The following MAPK4 variants were observed in gnomAD, a reference collection of about 807,000 sequenced individuals.
MAPK4 encodes mitogen-activated protein kinase 4.
Under a neutral mutation model 47.7 loss-of-function variants are expected in MAPK4, and 22 were observed. The observed-to-expected ratio is 0.46, with a 90% CI of 0.33 to 0.66. The LOEUF is 0.66. MAPK4 is among the 30% of genes least tolerant of loss of function. The pLI is 0.02. For synonymous variants in MAPK4, 390 were observed against 365.7 expected, an observed-to-expected ratio of 1.07 and a Z score of -0.76; for missense variants, 736 against 831.7, an observed-to-expected ratio of 0.88 and a Z score of 1.42.
At chr18:50,584,382 A>G (rs374439966) in intron 1 of MAPK4, among the ~76,000 whole-genome samples, 57 of 152,308 alleles carry the variant, frequency 3.7e-4, no homozygotes, top group African/African-American at 1.3e-3. Context: ...ATGAGGCTGG[A>G]TGAACTGCGG....
At chr18:50,588,856 G>A (rs2149366304) in intron 1 of MAPK4, among the ~76,000 whole-genome samples, 1 of 152,278 alleles carries the variant, frequency 6.6e-6, no homozygotes, top group East Asian at 1.9e-4. Flanking sequence ...GCACCTGGCT[G>A]TTAGACTCCA....
rs1485998551 is a variant in MAPK4 at position 50,648,097 on chromosome 18, C to A, written c.-870-14992C>A. Among the ~76,000 whole-genome samples the A allele has an allele frequency of 4.1e-5, 5 of 122,794 alleles. No homozygotes were observed. In the East Asian group the frequency reaches 1.1e-3, roughly 28 times the overall value. The allele number at this position is 122,794 out of a possible 152,430, so 80.6% of individuals were successfully genotyped here. A position where few individuals can be genotyped will look rare whatever the true frequency, so the allele number is the denominator to read the frequency against. On this transcript the variant is annotated intron_variant, in intron 1 of 5. Coordinates refer to ENST00000400384, the MANE Select transcript of MAPK4 (RefSeq NM_002747.4). ...ATTCCCAGTATGATGGGAAGAAAGA[C>A]CCAGAGAGAGAGAGAGAGAGAGAGA...
At chr18:50,713,197 A>G (rs1910466746) in intron 2 of MAPK4, among the ~76,000 whole-genome samples, 2 of 152,238 alleles carry the variant, frequency 1.3e-5, no homozygotes, top group South Asian at 4.1e-4. Context: ...TGGTGGTGAC[A>G]TGACTATGCT....
intron 5 of MAPK4, 89 bp downstream of exon 5, chr18:50,726,264 C>A: frequency 7.8e-7 from 1 of 1,283,154 alleles, no homozygotes; most frequent in Non-Finnish European, 1.1e-6. Context: ...TCCCCTCTGT[C>A]TCCCAAGTTG....
At chr18:50,609,887 G>T (rs2042617115) in intron 1 of MAPK4, among the ~76,000 whole-genome samples, 1 of 152,120 alleles carries the variant, frequency 6.6e-6, no homozygotes, top group Admixed American at 6.5e-5. Context: ...CATGAAGCCT[G>T]GATCCTGGTT....
At chr18:50,652,150 C>T (rs763430642) in intron 1 of MAPK4, among the ~76,000 whole-genome samples, 3 of 152,174 alleles carry the variant, frequency 2.0e-5, no homozygotes, top group South Asian at 2.1e-4. Flanking sequence ...TCACAGGCAG[C>T]GGCAGGACCA....
At chr18:50,726,967 G>C (rs1449642526) in intron 5 of MAPK4, among the ~76,000 whole-genome samples, 1 of 152,180 alleles carries the variant, frequency 6.6e-6, no homozygotes, top group Non-Finnish European at 1.5e-5. Flanking sequence ...CCCCTGATGG[G>C]CCTCTCTGCA....
chr18:50,722,908 G>A (rs1254621943), intron 4 of MAPK4, among the ~76,000 whole-genome samples: 1 of 152,130 alleles, frequency 6.6e-6, no homozygotes, highest in Non-Finnish European at 1.5e-5. Flanking sequence ...GCTCTGAGCA[G>A]CTCAGTTTGG....
intron 1 of MAPK4, among the ~76,000 whole-genome samples, chr18:50,572,456 G>A (rs1379136631): frequency 6.6e-6 from 1 of 152,196 alleles, no homozygotes; most frequent in Non-Finnish European, 1.5e-5. Flanking sequence ...CTCAGTTGAA[G>A]TACTTAGTTA....
At chr18:50,702,095 G>A (rs1218787863) in intron 2 of MAPK4, among the ~76,000 whole-genome samples, 2 of 147,634 alleles carry the variant, frequency 1.4e-5, no homozygotes, top group Non-Finnish European at 3.0e-5. Context: ...CCAGGAGGCG[G>A]AGGTTGCAGT....
At chr18:50,667,439 T>C (rs1907667867) in intron 2 of MAPK4, among the ~76,000 whole-genome samples, 1 of 152,194 alleles carries the variant, frequency 6.6e-6, no homozygotes, top group Non-Finnish European at 1.5e-5. Context: ...AAAGAGCACA[T>C]ACTTCTTCCA....
At chr18:50,612,012 C>T (rs12327444) in intron 1 of MAPK4, among the ~76,000 whole-genome samples, 1 of 152,154 alleles carries the variant, frequency 6.6e-6, no homozygotes, top group South Asian at 2.1e-4. Flanking sequence ...CACATGTTTA[C>T]ACTATGTGAC....
At chr18:50,667,836 G>A (rs945002532) in intron 2 of MAPK4, among the ~76,000 whole-genome samples, 1 of 152,206 alleles carries the variant, frequency 6.6e-6, no homozygotes, top group African/African-American at 2.4e-5. Context: ...CAGTTCTTCA[G>A]TGGACACCAG....
At chr18:50,689,905 A>G (rs982939640) in intron 2 of MAPK4, among the ~76,000 whole-genome samples, 1 of 152,244 alleles carries the variant, frequency 6.6e-6, no homozygotes, top group African/African-American at 2.4e-5. Flanking sequence ...CACTTTAGGA[A>G]GATTGAGCTA....
intron 1 of MAPK4, among the ~76,000 whole-genome samples, chr18:50,618,489 G>C (rs2042704044): frequency 6.6e-6 from 1 of 152,096 alleles, no homozygotes; most frequent in Non-Finnish European, 1.5e-5. Context: ...TTAAAAAACA[G>C]TTCCACCGTA....
At chr18:50,638,224 C>G (rs2042904870) in intron 1 of MAPK4, among the ~76,000 whole-genome samples, 1 of 152,214 alleles carries the variant, frequency 6.6e-6, no homozygotes, top group Non-Finnish European at 1.5e-5. Context: ...GAAAAAATCT[C>G]TGCCTCATTT....
chr18:50,680,078 CTTTTTTTTTTTT>C (rs138992946), intron 2 of MAPK4, among the ~76,000 whole-genome samples: 4 of 54,334 alleles, frequency 7.4e-5, no homozygotes, highest in Admixed American at 3.3e-4. Flanking sequence ...TGCTTTTAAA[CTTTTTTTTTTTT>C]TTTTTTTTTT....
At chr18:50,718,375 C>T (rs927783706) in intron 3 of MAPK4, among the ~76,000 whole-genome samples, 4 of 152,208 alleles carry the variant, frequency 2.6e-5, no homozygotes, top group African/African-American at 7.2e-5. Flanking sequence ...TGTGCCACCA[C>T]ACCCAGCTAA....
intron 2 of MAPK4, among the ~76,000 whole-genome samples, chr18:50,690,014 A>G (rs1909121268): frequency 6.6e-6 from 1 of 152,148 alleles, no homozygotes; most frequent in African/African-American, 2.4e-5. Context: ...GTCTCATATC[A>G]GGACTCCAGG....
Sources: allele counts gnomAD v4.1 joint callset (sites outside exome capture counted in the v4.1 genomes callset), GRCh38; gene constraint gnomAD v4.1.1; transcripts MANE v1.5; gene names NCBI Gene and HGNC (gene_info 2026-07-23, HGNC 2026-07-21).